NRP1: variants seen among roughly 807,000 people sequenced by gnomAD.
NRP1 encodes neuropilin 1, also known as neuropilin-1.
Under a neutral mutation model 106.7 loss-of-function variants are expected in NRP1, and 35 were observed. That is an observed-to-expected ratio of 0.33 (90% CI 0.25 to 0.43). The LOEUF is 0.43. Among genes scored for constraint, NRP1 ranks in the 20% least tolerant of loss-of-function variants. The pLI, the probability that NRP1 is intolerant of heterozygous loss-of-function variation, is 1.00. For missense variants in NRP1, 1,024 were observed against 1,170.4 expected (o/e 0.87, Z 1.83); for synonymous variants, 437 against 417.9 (o/e 1.05, Z -0.56).
chr10:33,304,311 C>T (rs1845997867), intron 2 of NRP1, among the ~76,000 whole-genome samples: 1 of 152,096 alleles, frequency 6.6e-6, no homozygotes, highest in Non-Finnish European at 1.5e-5. Context: ...TTCACCACAG[C>T]AAAAAATTGA....
At chr10:33,331,390 T>G (rs1848276318) in intron 1 of NRP1, among the ~76,000 whole-genome samples, 1 of 152,210 alleles carries the variant, frequency 6.6e-6, no homozygotes, top group African/African-American at 2.4e-5. Context: ...TTTGTTGTTG[T>G]TGTTTTATCT....
intron 7 of NRP1, among the ~76,000 whole-genome samples, chr10:33,223,793 G>C (rs1839444373): frequency 6.6e-6 from 1 of 152,154 alleles, no homozygotes; most frequent in Admixed American, 6.5e-5. Flanking sequence ...AAAGAGTAAT[G>C]GGCAGCTGCC....
At chr10:33,297,629 G>C (rs7894790) in intron 2 of NRP1, among the ~76,000 whole-genome samples, 28,285 of 149,854 alleles carry the variant, frequency 0.19, 3,211 homozygotes, top group African/African-American at 0.32. Flanking sequence ...AGAGGTTGCA[G>C]TGAGCTGAGA....
At chr10:33,213,107 G>C in intron 9 of NRP1, 1 of 806,016 alleles carries the variant, frequency 1.2e-6, no homozygotes, top group South Asian at 1.8e-5. Flanking sequence ...GTCAGCCTTG[G>C]GCTTCCCCGT....
intron 10 of NRP1, chr10:33,205,775 T>G (rs562685859): frequency 1.3e-5 from 2 of 157,568 alleles, no homozygotes; most frequent in African/African-American, 2.4e-5. Flanking sequence ...CAGAAGCAAT[T>G]TGGGGAGGTT....
intron 2 of NRP1, among the ~76,000 whole-genome samples, chr10:33,309,950 CT>C (rs35907466): frequency 0.38 from 52,994 of 139,324 alleles, 10,420 homozygotes; most frequent in East Asian, 0.53. Flanking sequence ...CTGTATTTGC[CT>C]TTTTTTTTTT....
At chr10:33,299,128 C>G (rs1489543060) in intron 2 of NRP1, among the ~76,000 whole-genome samples, 1 of 152,166 alleles carries the variant, frequency 6.6e-6, no homozygotes, top group Non-Finnish European at 1.5e-5. Context: ...GAGGAAGTGT[C>G]TAACCCTGGC....
At chr10:33,248,424 T>C (rs1325263660) in intron 6 of NRP1, among the ~76,000 whole-genome samples, 1 of 152,224 alleles carries the variant, frequency 6.6e-6, no homozygotes, top group African/African-American at 2.4e-5. Context: ...TTTCTCATGT[T>C]GAACTTAGAA....
At chr10:33,284,388 G>A (rs936961899) in intron 2 of NRP1, among the ~76,000 whole-genome samples, 1 of 151,952 alleles carries the variant, frequency 6.6e-6, no homozygotes, top group Non-Finnish European at 1.5e-5. Context: ...GAAGAGATAG[G>A]AACAAGCTTA....
At chr10:33,199,389 ATTTTTTTTTTTT>A (rs1160327036) in intron 11 of NRP1, among the ~76,000 whole-genome samples, 25 of 36,844 alleles carry the variant, frequency 6.8e-4, no homozygotes, top group South Asian at 1.5e-3. Context: ...ATATATATAT[ATTTTTTTTTTTT>A]TTTTTTTTTT....
At position 33,180,273 on chromosome 10, in the gene NRP1, T is replaced by G. The variant is rs760388137; in HGVS notation, c.2575A>C (p.Ile859Leu). The G allele has an allele frequency of 4.2e-5, 67 of 1,613,962 alleles. 1 individual carries two copies. In the Admixed American group the frequency reaches 4.5e-4, roughly 11 times the overall value. Residue 859 changes from isoleucine (I) to leucine (L), a missense_variant, in exon 17 of 17, where the codon ATC becomes CTC. By Grantham distance (5) the Ile-to-Leu change is conservative. Around this residue, in one of 5 missense-constraint regions of NRP1, gnomAD observed 164 missense variants for 161.4 expected, o/e 1.02. Transcript: ENST00000374867. Reference sequence around the variant, plus strand: ...AGGGCACTCATGGCTATGATGGTGATGAGGATGGGGTCTAAGGTCTTCAAC... The same window carrying G: ...AGGGCACTCATGGCTATGATGGTGAGGAGGATGGGGTCTAAGGTCTTCAAC... ...NVLKTLDPIL[I>L]TIIAMSALGV...
chr10:33,281,045 G>T (rs1157449205), intron 2 of NRP1, among the ~76,000 whole-genome samples: 1 of 128,240 alleles, frequency 7.8e-6, no homozygotes, highest in African/African-American at 2.8e-5. Context: ...ACTCCCTGCA[G>T]CCTTCCAAAT....
chr10:33,188,910 A>AATATATATAT (rs9299704), intron 13 of NRP1, among the ~76,000 whole-genome samples: 1,727 of 111,288 alleles, frequency 0.016, 62 homozygotes, highest in African/African-American at 0.057. Flanking sequence ...CCCTGTCTTA[A>AATATATATAT]ATATATATAT....
At chr10:33,291,977 C>T (rs1845027797) in intron 2 of NRP1, among the ~76,000 whole-genome samples, 4 of 152,206 alleles carry the variant, frequency 2.6e-5, no homozygotes, top group Admixed American at 2.6e-4. Context: ...AATCTCGGCT[C>T]ACTGTAGCCT....
At chr10:33,277,597 GA>G (rs1399779762) in intron 2 of NRP1, among the ~76,000 whole-genome samples, 1 of 152,230 alleles carries the variant, frequency 6.6e-6, no homozygotes, top group Non-Finnish European at 1.5e-5. Flanking sequence ...CTTTCTATAA[GA>G]AATAGAGAGG....
intron 4 of NRP1, among the ~76,000 whole-genome samples, chr10:33,262,539 C>T (rs1842643128): frequency 6.6e-6 from 1 of 151,810 alleles, no homozygotes; most frequent in Non-Finnish European, 1.5e-5. Flanking sequence ...CCCGTCTCTA[C>T]CAAAAATGCA....
Position 33,202,574 on chromosome 10 carries a change from G to T in NRP1, c.1864+317C>A, listed in dbSNP as rs1325932308. ...GGGTGGTGCACGTGTTATTGGGGGG[G>T]GGTCTGAAAATAATGAAAATAAGGA... is the stretch of plus-strand genomic sequence containing the variant. On this transcript the variant is annotated intron_variant, in intron 11 of 16. Transcript: ENST00000374867. 5 of 1,425,804 alleles carry T rather than the reference G, an allele frequency of 3.5e-6. 1 individual carries two copies. Among genetic ancestry groups the T allele is most frequent in the East Asian group, 2.6e-5 (1 of 38,204 alleles). The allele number at this position is 1,425,804 out of a possible 1,614,324, so 88.3% of individuals were successfully genotyped here.
At chr10:33,183,121 A>C (rs1488854580) in intron 15 of NRP1, among the ~76,000 whole-genome samples, 10 of 152,104 alleles carry the variant, frequency 6.6e-5, no homozygotes, top group Admixed American at 6.6e-4. Context: ...ACATTAGGCT[A>C]GGAGTTTAGG....
chr10:33,302,672 G>A (rs1203314163), intron 2 of NRP1, among the ~76,000 whole-genome samples: 5 of 152,172 alleles, frequency 3.3e-5, no homozygotes, highest in Non-Finnish European at 7.3e-5. Flanking sequence ...ATTCCTCTGA[G>A]CAATGGCCCT....
Sources: gnomAD v4.1 joint callset for allele counts (sites outside exome capture counted in the v4.1 genomes callset) on GRCh38, gnomAD v4.1.1 for gene constraint, gnomAD v4.1.1 regional missense constraint, MANE v1.5 for transcripts, NCBI Gene and HGNC (gene_info 2026-07-23, HGNC 2026-07-21) for gene names.